PMEPA1: variants seen among roughly 807,000 people sequenced by gnomAD.
PMEPA1 encodes the protein prostate transmembrane protein, androgen induced 1.
PMEPA1 carries 11 observed loss-of-function variants against 23.0 expected under a neutral mutation model. The observed-to-expected ratio is 0.48, with a 90% confidence interval of 0.30 to 0.79. The LOEUF (loss-of-function observed/expected upper bound fraction) is 0.79, where lower values mean the gene tolerates loss of function less well. PMEPA1 is among the 30% of genes least tolerant of loss of function. The pLI is 0.06. For synonymous variants in PMEPA1, 204 were observed against 166.4 expected, an observed-to-expected ratio of 1.23 and a Z score of -1.74; for missense variants, 377 against 390.9, an observed-to-expected ratio of 0.96 and a Z score of 0.30.
chr20:57,672,572 T>G (rs907428182), intron 1 of PMEPA1, among the ~76,000 whole-genome samples: 5 of 152,228 alleles, frequency 3.3e-5, no homozygotes, highest in Admixed American at 1.3e-4. Context: ...GGGCACCGTC[T>G]GGAGGGGTCT....
chr20:57,666,799 C>T (rs2071498840), intron 1 of PMEPA1, among the ~76,000 whole-genome samples: 1 of 152,190 alleles, frequency 6.6e-6, no homozygotes, highest in Admixed American at 6.5e-5. Context: ...TGACAGCTGC[C>T]CTCTCCTCTG....
chr20:57,702,748 A>G (rs1014696013), intron 1 of PMEPA1, among the ~76,000 whole-genome samples: 1 of 152,220 alleles, frequency 6.6e-6, no homozygotes, highest in African/African-American at 2.4e-5. Context: ...TTGTATCCGC[A>G]GATTGGTGCA....
chr20:57,702,858 CA>C lies in PMEPA1; in HGVS notation c.109+6615del, dbSNP rs910122440. Among the ~76,000 whole-genome samples, 10 of 152,272 alleles carry C rather than the reference CA, an allele frequency of 6.6e-5. 1 individual carries two copies. The highest frequency in any genetic ancestry group is 5.9e-4 in the Admixed American group (9 of 15,298). On this transcript the variant is annotated intron_variant, in intron 1 of 3. Transcript: ENST00000341744. Reference sequence around the variant, plus strand: ...ATTCAACTAGGAAAAAGAGCAGAAGCAAAAAAATCCATCAGTAACCCAGGAA... The same window carrying C: ...ATTCAACTAGGAAAAAGAGCAGAAGCAAAAAATCCATCAGTAACCCAGGAA...
At chr20:57,673,200 C>A (rs8115707) in intron 1 of PMEPA1, among the ~76,000 whole-genome samples, 18,318 of 151,830 alleles carry the variant, frequency 0.12, 1,171 homozygotes, top group South Asian at 0.13. Flanking sequence ...CACCTTTGCC[C>A]GGGCTGGCCC....
At chr20:57,710,254 G>A (rs1336541069), upstream of PMEPA1, 2 of 584,306 alleles carry the variant, frequency 3.4e-6, no homozygotes, top group Non-Finnish European at 5.4e-6. Flanking sequence ...TGGAACGCCT[G>A]CCCGGCGCAC....
chr20:57,697,791 T>G (rs2071960096), intron 1 of PMEPA1, among the ~76,000 whole-genome samples: 1 of 152,210 alleles, frequency 6.6e-6, no homozygotes, highest in Admixed American at 6.5e-5. Context: ...CAAACAACTC[T>G]GATTACCCTC....
chr20:57,709,351 C>G (rs2072132374), intron 1 of PMEPA1, 123 bp downstream of exon 1: 1 of 641,886 alleles, frequency 1.6e-6, no homozygotes, highest in East Asian at 1.4e-4. Flanking sequence ...GCGGGCGCTG[C>G]CCGGGCGCAG....
In PMEPA1 at chr20:57,652,420, G is replaced by A. The variant is rs149768434; in HGVS notation, c.497C>T (p.Thr166Ile). 78 of 1,613,706 alleles carry A rather than the reference G, an allele frequency of 4.8e-5. No individual in the cohort carries two copies. The highest frequency in any genetic ancestry group is 6.4e-5 in the Non-Finnish European group (75 of 1,179,908). The part of the protein sequence containing the change: ...EEPPPYQGPC[T>I]LQLRDPEQQL... ...CTGCTCGGGGTCCCGAAGCTGGAGG[G>A]TGCAGGGGCCCTGGTAGGGTGGGGG... The change falls in exon 4 of 4, where the codon ACC becomes ATC. Residue 166 changes from threonine (T) to isoleucine (I), a missense_variant. Transcript: ENST00000341744. This position sits in a 1 kb window ranked among gnomAD's most constrained non-coding sequence, Gnocchi z 6.1.
intron 1 of PMEPA1, among the ~76,000 whole-genome samples, chr20:57,707,296 T>C (rs1490333063): frequency 6.6e-6 from 1 of 152,186 alleles, no homozygotes; most frequent in Non-Finnish European, 1.5e-5. Context: ...CACCAGGCCT[T>C]ACCACTTCCT....
At chr20:57,654,369 A>G (rs368924233) in intron 2 of PMEPA1, among the ~76,000 whole-genome samples, 88 of 152,236 alleles carry the variant, frequency 5.8e-4, no homozygotes, top group Non-Finnish European at 5.9e-5. Context: ...CCCTTGGGGC[A>G]GGTTTTTTGA....
intron 1 of PMEPA1, among the ~76,000 whole-genome samples, chr20:57,665,668 G>A (rs1433983735): frequency 6.6e-6 from 1 of 152,206 alleles, no homozygotes; most frequent in Admixed American, 6.5e-5. Flanking sequence ...GATGGTCCCT[G>A]GAAATGCTGA....
At chr20:57,686,373 T>C (rs1023286798) in intron 1 of PMEPA1, among the ~76,000 whole-genome samples, 3 of 152,188 alleles carry the variant, frequency 2.0e-5, no homozygotes, top group Admixed American at 2.0e-4. Flanking sequence ...AGCTTCTATA[T>C]GAGACTGGTC....
intron 2 of PMEPA1, among the ~76,000 whole-genome samples, chr20:57,658,625 A>C (rs1051069932): frequency 6.6e-6 from 1 of 152,160 alleles, no homozygotes; most frequent in Non-Finnish European, 1.5e-5. Flanking sequence ...TGTGACTGTC[A>C]GCCCATTTTA....
chr20:57,700,834 C>T (rs530130720), intron 1 of PMEPA1, among the ~76,000 whole-genome samples: 11 of 152,056 alleles, frequency 7.2e-5, no homozygotes, highest in Non-Finnish European at 1.6e-4. Flanking sequence ...TTGAGACCAG[C>T]CTGGCCAACA....
rs566632941 is a variant in PMEPA1, at chr20:57,683,484, C to A, written c.110-23787G>T. Among the ~76,000 whole-genome samples the A allele has an allele frequency of 4.0e-5, 6 of 151,808 alleles. No individual in the cohort carries two copies. The East Asian group carries it at 1.2e-3, about 29-fold the overall frequency. ...ATTCCTGCTTGGGAGCTTCCTGGAGCGAGCAGCCCTGCATGCATTACGAAC... is the reference window on the plus strand; with the variant it reads ...ATTCCTGCTTGGGAGCTTCCTGGAGAGAGCAGCCCTGCATGCATTACGAAC... On this transcript the variant is annotated intron_variant, in intron 1 of 3. Coordinates refer to ENST00000341744, the MANE Select transcript of PMEPA1 (RefSeq NM_020182.5). The surrounding 1 kb of genome is among the most constrained non-coding windows in gnomAD (Gnocchi z 4.3).
Position 57,651,168 on chromosome 20 carries a change from C to T in PMEPA1, c.*885G>A, listed in dbSNP as rs563599367. 6.6e-6 allele frequency: 1 copy of T among 152,342 alleles called. No individual in the cohort carries two copies. Among genetic ancestry groups the T allele is most frequent in the African/African-American group, 2.4e-5 (1 of 41,566 alleles). The allele number at this position is 152,342 out of a possible 1,614,324, so 9.4% of individuals were successfully genotyped here. On this transcript the variant is annotated 3_prime_UTR_variant, in exon 4 of 4. Coordinates refer to ENST00000341744, the MANE Select transcript of PMEPA1 (RefSeq NM_020182.5). ...TTTTGCTTGTGATTTAAAGGCTGTTCTGGGTCAGGGGGGAAAAGGTGTCTC... is the reference window on the plus strand; with the variant it reads ...TTTTGCTTGTGATTTAAAGGCTGTTTTGGGTCAGGGGGGAAAAGGTGTCTC...
rs1675189594 is a variant in PMEPA1 at position 57,680,295 on chromosome 20, C to CTGGG, written c.110-20602_110-20599dup. On this transcript the variant is annotated intron_variant, in intron 1 of 3. Coordinates refer to ENST00000341744, the MANE Select transcript of PMEPA1 (RefSeq NM_020182.5). ...CACCCGCATTCTGCAGATGAAGGGA[C>CTGGG]TGGGACCTCAAGGGCAGCTGCTAGG... 3.3e-5 allele frequency among the ~76,000 whole-genome samples: 5 copies of CTGGG among 152,370 alleles called. No homozygotes were observed. The South Asian group carries it at 1.0e-3, about 32-fold the overall frequency.
rs1453484162 is a variant in PMEPA1 at position 57,656,812 on chromosome 20, G to A, written c.264+2731C>T. 6.6e-6 allele frequency among the ~76,000 whole-genome samples: 1 copy of A among 152,232 alleles called. No homozygotes were observed. Among genetic ancestry groups the A allele is most frequent in the East Asian group, 1.9e-4 (1 of 5,184 alleles). ...GTCACCCTGAAAAGGGGCCATGGTC[G>A]GATAGCCATGCCAGGGGCAGAGCAT... On this transcript the variant is annotated intron_variant, in intron 2 of 3. Coordinates refer to ENST00000341744, the MANE Select transcript of PMEPA1 (RefSeq NM_020182.5). The surrounding 1 kb of genome is among the most constrained non-coding windows in gnomAD (Gnocchi z 4.7).
intron 1 of PMEPA1, among the ~76,000 whole-genome samples, chr20:57,700,793 T>C (rs1169755667): frequency 2.0e-5 from 3 of 152,110 alleles, no homozygotes; most frequent in Non-Finnish European, 4.4e-5. Context: ...TTTGGGAGGC[T>C]GAGGCGGGCA....
Sources: gnomAD v4.1 joint callset for allele counts (sites outside exome capture counted in the v4.1 genomes callset) on GRCh38, gnomAD v4.1.1 for gene constraint, Gnocchi (gnomAD v3.1) non-coding constraint, MANE v1.5 for transcripts, NCBI Gene and HGNC (gene_info 2026-07-23, HGNC 2026-07-21) for gene names.